The following RGS22 variants were observed in gnomAD, a reference collection of about 807,000 sequenced individuals.
RGS22 encodes regulator of G-protein signaling 22.
A neutral mutation model predicts 172.9 loss-of-function variants in RGS22; 148 were observed. The observed-to-expected ratio is 0.86, with a 90% CI of 0.75 to 0.98. The LOEUF (loss-of-function observed/expected upper bound fraction) is 0.98, where lower values mean the gene tolerates loss of function less well. Among genes scored for constraint, RGS22 ranks in the 50% least tolerant of loss-of-function variants. The pLI is 0.00. For missense variants in RGS22, 1,347 were observed against 1,440.8 expected, an observed-to-expected ratio of 0.93 and a Z score of 1.05; for synonymous variants, 458 against 480.2, an observed-to-expected ratio of 0.95 and a Z score of 0.60.
intron 6 of RGS22, among the ~76,000 whole-genome samples, chr8:100,067,605 T>G (rs1810623317): frequency 6.6e-6 from 1 of 150,636 alleles, no homozygotes; most frequent in Non-Finnish European, 1.5e-5. Context: ...TTTAACATAA[T>G]TATTCCACTT....
At chr8:100,068,253 T>A (rs1351020683) in intron 6 of RGS22, among the ~76,000 whole-genome samples, 4 of 151,910 alleles carry the variant, frequency 2.6e-5, no homozygotes, top group Non-Finnish European at 2.9e-5. Context: ...CCAGGAATGG[T>A]GATGCACTCT....
chr8:99,974,816 T>C (rs1247044298), intron 23 of RGS22, among the ~76,000 whole-genome samples: 1 of 148,540 alleles, frequency 6.7e-6, no homozygotes, highest in Non-Finnish European at 1.5e-5. Flanking sequence ...AAAATGGATA[T>C]AATTATGTAA....
chr8:100,024,687 G>C (rs904424104), intron 14 of RGS22, among the ~76,000 whole-genome samples: 2 of 152,144 alleles, frequency 1.3e-5, no homozygotes, highest in East Asian at 3.8e-4. Context: ...ATAATAATAA[G>C]AAAGCAATGG....
intron 9 of RGS22, among the ~76,000 whole-genome samples, chr8:100,062,240 A>C (rs1810195116): frequency 6.6e-6 from 1 of 152,116 alleles, no homozygotes; most frequent in Non-Finnish European, 1.5e-5. Flanking sequence ...CCATACAACA[A>C]ACCCCTAATG....
In RGS22 at chr8:100,052,679, C is replaced by T. The variant is rs537827785; in HGVS notation, c.1689+123G>A. The T allele has an allele frequency of 1.5e-5, 13 of 872,130 alleles. 1 individual carries two copies. Among genetic ancestry groups the T allele is most frequent in the Non-Finnish European group, 1.9e-5 (11 of 567,156 alleles). The allele number at this position is 872,130 out of a possible 1,614,324, so 54.0% of individuals were successfully genotyped here. A position where few individuals can be genotyped will look rare whatever the true frequency, so the allele number is the denominator to read the frequency against. ...AGGTTTTCTTATTTCCTAAATGTTG[C>T]AGCTTGTACATTAGCAAAAATCACA... On this transcript the variant is annotated intron_variant, in intron 10 of 27. Coordinates refer to ENST00000360863, the MANE Select transcript of RGS22 (RefSeq NM_015668.5).
chr8:100,067,782 G>T (rs1352412829), intron 6 of RGS22, among the ~76,000 whole-genome samples: 1 of 151,682 alleles, frequency 6.6e-6, no homozygotes, highest in Admixed American at 6.6e-5. Flanking sequence ...CCACCACCAT[G>T]CCTGGCTAAT....
chr8:100,082,454 T>C (rs553632962), intron 3 of RGS22, among the ~76,000 whole-genome samples: 3 of 152,304 alleles, frequency 2.0e-5, no homozygotes, highest in East Asian at 3.9e-4. Context: ...AATGTTTAGC[T>C]CCTACAGATA....
chr8:100,014,517 C>T lies in RGS22; in HGVS notation c.2167-5948G>A, dbSNP rs150073679. Among the ~76,000 whole-genome samples, 270 of 152,280 alleles carry T rather than the reference C, an allele frequency of 1.8e-3. 1 individual carries two copies. The highest frequency in any genetic ancestry group is 5.9e-3 in the African/African-American group (244 of 41,564). ...TAATCGCCAATTCAATAGCTTCTTT[C>T]CTTAATCTTCATTCAACCTGATCCC... On this transcript the variant is annotated intron_variant, in intron 14 of 27. Coordinates refer to ENST00000360863, the MANE Select transcript of RGS22 (RefSeq NM_015668.5).
intron 11 of RGS22, among the ~76,000 whole-genome samples, chr8:100,043,352 T>C (rs767489299): frequency 3.4e-4 from 52 of 152,220 alleles, no homozygotes; most frequent in Non-Finnish European, 6.0e-4. Flanking sequence ...AAGACCTTTG[T>C]TTTTTCTCAT....
At chr8:100,037,445 C>A (rs1348121292) in intron 14 of RGS22, among the ~76,000 whole-genome samples, 1 of 152,322 alleles carries the variant, frequency 6.6e-6, no homozygotes, top group South Asian at 2.1e-4. Context: ...TTTCCTCTCA[C>A]CCTGCTTTAA....
At position 99,996,526 on chromosome 8, in the gene RGS22, T is replaced by C; in HGVS notation, c.2954A>G (p.Gln985Arg). Reference sequence around the variant, plus strand: ...GAGCTCTTCTGCTATGTCTTTCATCTGTACCTGAAAGCAAAACCAATTATT... The same window carrying C: ...GAGCTCTTCTGCTATGTCTTTCATCCGTACCTGAAAGCAAAACCAATTATT... ...QFAARQKIKV[Q>R]MKDIAEELLL... The change falls in exon 20 of 28, where the codon CAG becomes CGG. Residue 985 changes from glutamine (Q) to arginine (R), a missense_variant. Gln to Arg is a conservative substitution (Grantham distance 43). Transcript: ENST00000360863. 1 of 1,612,782 alleles carries C rather than the reference T, an allele frequency of 6.2e-7. No individual in the cohort carries two copies. The highest frequency in any genetic ancestry group is 8.5e-7 in the Non-Finnish European group (1 of 1,179,318).
intron 20 of RGS22, among the ~76,000 whole-genome samples, chr8:99,992,471 T>C (rs1813863783): frequency 1.3e-5 from 2 of 152,158 alleles, no homozygotes; most frequent in Non-Finnish European, 2.9e-5. Context: ...GCAATCCTAG[T>C]CTCTGATAAA....
chr8:99,976,422 C>T (rs1297226480), intron 23 of RGS22, among the ~76,000 whole-genome samples: 5 of 152,022 alleles, frequency 3.3e-5, no homozygotes, highest in Non-Finnish European at 4.4e-5. Context: ...AGTGCAGTGG[C>T]GCCATCTCGG....
chr8:99,992,282 TA>T (rs1813834834), intron 20 of RGS22, among the ~76,000 whole-genome samples: 1 of 152,160 alleles, frequency 6.6e-6, no homozygotes, highest in African/African-American at 2.4e-5. Flanking sequence ...ACCTTAAATG[TA>T]AACAGGCTAA....
intron 6 of RGS22, among the ~76,000 whole-genome samples, chr8:100,068,647 T>C (rs1432553773): frequency 6.6e-6 from 1 of 152,014 alleles, no homozygotes; most frequent in South Asian, 2.1e-4. Context: ...AGGGAAAAAA[T>C]ATGGCCAGGC....
chr8:100,031,621 G>A (rs886837927), intron 14 of RGS22, among the ~76,000 whole-genome samples: 3 of 151,686 alleles, frequency 2.0e-5, no homozygotes, highest in South Asian at 2.1e-4. Context: ...TGTTTCATAC[G>A]TTTACTTATT....
rs1482755641 is a variant in RGS22 at position 100,064,358 on chromosome 8, G to A, written c.725-315C>T. Among the ~76,000 whole-genome samples the A allele has an allele frequency of 2.6e-5, 4 of 152,086 alleles. No individual in the cohort carries two copies. The East Asian group carries it at 7.7e-4, about 29-fold the overall frequency. On this transcript the variant is annotated intron_variant, in intron 7 of 27. Coordinates refer to ENST00000360863, the MANE Select transcript of RGS22 (RefSeq NM_015668.5). ...TGGCACAGTAATCCCAGCTACTCTG[G>A]AGGCTGAGGCACAAGAATCGCTTGA...
chr8:100,031,437 C>T (rs1818790520), intron 14 of RGS22, among the ~76,000 whole-genome samples: 1 of 152,050 alleles, frequency 6.6e-6, no homozygotes, highest in Non-Finnish European at 1.5e-5. Flanking sequence ...GTGGATTTAC[C>T]TAGGAATTCT....
chr8:100,023,825 T>C (rs879546350), intron 14 of RGS22, among the ~76,000 whole-genome samples: 1 of 152,200 alleles, frequency 6.6e-6, no homozygotes, highest in Non-Finnish European at 1.5e-5. Context: ...TGCTCATATC[T>C]GTTCTGATTT....
Sources: gnomAD v4.1 joint callset for allele counts (sites outside exome capture counted in the v4.1 genomes callset) on GRCh38, gnomAD v4.1.1 for gene constraint, MANE v1.5 for transcripts, NCBI Gene and HGNC (gene_info 2026-07-23, HGNC 2026-07-21) for gene names.